Variants in N4BP2 observed in about 807,000 individuals in gnomAD.
N4BP2 encodes NEDD4-binding protein 2.
A neutral mutation model predicts 152.8 loss-of-function variants in N4BP2; 91 were observed. That is an observed-to-expected ratio of 0.60 (90% CI 0.50 to 0.71). The LOEUF is 0.71. Ranked by LOEUF, N4BP2 falls within the 30% of genes least tolerant of loss-of-function variation. The pLI, the probability that N4BP2 is intolerant of heterozygous loss-of-function variation, is 0.00. For missense variants in N4BP2, 1,923 were observed against 2,059.1 expected, an observed-to-expected ratio of 0.93 and a Z score of 1.28; for synonymous variants, 646 against 705.3, an observed-to-expected ratio of 0.92 and a Z score of 1.33.
intron 13 of N4BP2, among the ~76,000 whole-genome samples, chr4:40,134,264 C>G (rs1333222769): frequency 6.6e-6 from 1 of 152,178 alleles, no homozygotes; most frequent in East Asian, 1.9e-4. Flanking sequence ...GTGTTAAAAT[C>G]TCCCAGATGC....
Position 40,156,633 on chromosome 4 carries a change from A to G in N4BP2, c.*2396A>G, listed in dbSNP as rs775564551. 2 of 152,064 alleles carry G rather than the reference A, an allele frequency of 1.3e-5. No individual in the cohort carries two copies. Among genetic ancestry groups the G allele is most frequent in the African/African-American group, 4.8e-5 (2 of 41,414 alleles). 9.4% of individuals were successfully genotyped at this position (152,064 alleles called of 1,614,324 possible). Reference sequence around the variant, plus strand: ...CAGTAAAGATAGTTTGGGGATTTTAAAAGTTTTCTCTATTACCCATTTCTA... The same window carrying G: ...CAGTAAAGATAGTTTGGGGATTTTAGAAGTTTTCTCTATTACCCATTTCTA... On this transcript the variant is annotated 3_prime_UTR_variant, in exon 18 of 18. Transcript: ENST00000261435.
rs1757178121 is a variant in N4BP2, at chr4:40,126,036, C to CT, written c.4331-97dup. 3 of 720,112 alleles carry CT rather than the reference C, an allele frequency of 4.2e-6. No individual in the cohort carries two copies. The East Asian group carries it at 9.0e-5, about 22-fold the overall frequency. The allele number at this position is 720,112 out of a possible 1,614,324, so 44.6% of individuals were successfully genotyped here. ...TATTTACAAACTGAAAATTAAAAAA[C>CT]TGTTTCCTTGGTCTCTGAGGTAAAT... On this transcript the variant is annotated intron_variant, in intron 11 of 17. Transcript: ENST00000261435.
intron 16 of N4BP2, among the ~76,000 whole-genome samples, chr4:40,150,469 C>T (rs1721047216): frequency 6.6e-6 from 1 of 152,076 alleles, no homozygotes; most frequent in Admixed American, 6.5e-5. Context: ...GAGTTTGAGA[C>T]CAGCCTGGCC....
chr4:40,082,999 C>T (rs182377033), intron 2 of N4BP2: 59 of 249,344 alleles, frequency 2.4e-4, no homozygotes, highest in South Asian at 5.4e-4. Flanking sequence ...CGCACCCGGC[C>T]GGGCTGTATT....
At chr4:40,142,548 A>G (rs919996983) in intron 14 of N4BP2, 125 bp from the exon 15 acceptor site, 5 of 640,816 alleles carry the variant, frequency 7.8e-6, no homozygotes, top group South Asian at 2.3e-5. Flanking sequence ...GGGAGAATCT[A>G]TTTCCTGAGG....
downstream of N4BP2, among the ~76,000 whole-genome samples, chr4:40,160,067 G>A (rs1393811904): frequency 1.3e-5 from 2 of 151,964 alleles, no homozygotes. Context: ...TGATCCATCC[G>A]CCTCAGCCTC....
intron 16 of N4BP2, 53 bp downstream of exon 16, chr4:40,144,853 T>C (rs1579138206): frequency 7.0e-7 from 1 of 1,423,054 alleles, no homozygotes; most frequent in African/African-American, 1.4e-5. Context: ...TTTGCTTATA[T>C]TGGTATAGCT....
At chr4:40,138,406 G>A (rs553692805) in intron 14 of N4BP2, among the ~76,000 whole-genome samples, 1 of 152,240 alleles carries the variant, frequency 6.6e-6, no homozygotes, top group South Asian at 2.1e-4. Context: ...TGTTTCTGTT[G>A]TGACACTGAA....
the N4BP2 span, among the ~76,000 whole-genome samples, chr4:40,175,768 C>T: frequency 3.5e-5 from 5 of 143,660 alleles, no homozygotes; most frequent in African/African-American, 1.3e-4. Flanking sequence ...CGAGATTGCG[C>T]CCCTGCACTC....
intron 13 of N4BP2, among the ~76,000 whole-genome samples, chr4:40,136,014 G>A (rs4974963): frequency 0.76 from 116,025 of 152,104 alleles, 44,628 homozygotes; most frequent in East Asian, 0.97. Flanking sequence ...ACGTGAGTGT[G>A]TCAGACATTT....
At chr4:40,090,166 T>C (rs1226553853) in intron 2 of N4BP2, among the ~76,000 whole-genome samples, 1 of 152,220 alleles carries the variant, frequency 6.6e-6, no homozygotes, top group Non-Finnish European at 1.5e-5. Flanking sequence ...CCACTGATGC[T>C]ACATAGTTTT....
the N4BP2 span, chr4:40,167,917 A>C: frequency 6.6e-6 from 1 of 152,214 alleles, no homozygotes; most frequent in Non-Finnish European, 1.5e-5. Flanking sequence ...GAAAGGGAGG[A>C]AGAAGTAAAA....
At chr4:40,115,345 A>G (rs756982706) in intron 7 of N4BP2, among the ~76,000 whole-genome samples, 1 of 152,122 alleles carries the variant, frequency 6.6e-6, no homozygotes, top group African/African-American at 2.4e-5. Context: ...AAAAATAAAA[A>G]AATTAGCTGG....
chr4:40,127,264 G>C (rs1245835339), intron 12 of N4BP2, among the ~76,000 whole-genome samples: 3 of 151,812 alleles, frequency 2.0e-5, no homozygotes, highest in African/African-American at 7.3e-5. Flanking sequence ...TGTTGCCCAG[G>C]CTGGAGTGCA....
At chr4:40,077,012 C>T (rs908094248) in intron 2 of N4BP2, among the ~76,000 whole-genome samples, 9 of 151,978 alleles carry the variant, frequency 5.9e-5, no homozygotes, top group Non-Finnish European at 1.5e-5. Context: ...CTATATATTA[C>T]ATATAGAGAG....
chr4:40,114,460 A>T (rs143842335), intron 7 of N4BP2, among the ~76,000 whole-genome samples: 2 of 152,184 alleles, frequency 1.3e-5, no homozygotes, highest in Non-Finnish European at 2.9e-5. Flanking sequence ...TATACTGCAT[A>T]TAAATGGAAC....
chr4:40,085,068 A>G (rs1713806187), intron 2 of N4BP2, among the ~76,000 whole-genome samples: 2 of 151,360 alleles, frequency 1.3e-5, no homozygotes, highest in South Asian at 2.1e-4. Context: ...GCCCACTACC[A>G]CGCCCAGCTA....
chr4:40,186,938 T>C, the N4BP2 span, among the ~76,000 whole-genome samples: 5 of 152,210 alleles, frequency 3.3e-5, no homozygotes, highest in African/African-American at 7.2e-5. Flanking sequence ...ATGGGCCCAA[T>C]TGCAATTTAT....
At chr4:40,182,508 T>G in the N4BP2 span, among the ~76,000 whole-genome samples, 1 of 152,200 alleles carries the variant, frequency 6.6e-6, no homozygotes, top group Non-Finnish European at 1.5e-5. Context: ...TGGAGTGCAG[T>G]GGCGGGAACA....
Sources: allele counts gnomAD v4.1 joint callset (sites outside exome capture counted in the v4.1 genomes callset), GRCh38; gene constraint gnomAD v4.1.1; transcripts MANE v1.5; gene names NCBI Gene and HGNC (gene_info 2026-07-23, HGNC 2026-07-21).